TMEM50B: variants seen among roughly 807,000 people sequenced by gnomAD.
TMEM50B encodes transmembrane protein 50B.
In TMEM50B, 14 loss-of-function variants were observed where a neutral mutation model predicts 23.4. The ratio of observed to expected loss-of-function variants is 0.60; its 90% CI spans 0.39 to 0.93. TMEM50B has a LOEUF of 0.93. Among genes scored for constraint, TMEM50B ranks in the 40% least tolerant of loss-of-function variants. The pLI is 0.00. For synonymous variants in TMEM50B, 64 were observed against 62.3 expected, an observed-to-expected ratio of 1.03 and a Z score of -0.13; for missense variants, 159 against 193.0, an observed-to-expected ratio of 0.82 and a Z score of 1.04.
chr21:33,473,543 G>A (rs957416245), intron 1 of TMEM50B, among the ~76,000 whole-genome samples: 2 of 151,574 alleles, frequency 1.3e-5, no homozygotes, highest in African/African-American at 4.8e-5. Flanking sequence ...AAGCATGGTG[G>A]TGTGCACTTG....
chr21:33,436,989 C>T (rs1350535227), intron 8 of TMEM50B: 2 of 1,612,752 alleles, frequency 1.2e-6, no homozygotes, highest in African/African-American at 2.7e-5. Context: ...AGCCCACTGG[C>T]TCCCTGGAAG....
At chr21:33,439,023 C>T (rs987530775) in intron 8 of TMEM50B, among the ~76,000 whole-genome samples, 2 of 152,076 alleles carry the variant, frequency 1.3e-5, no homozygotes, top group Admixed American at 6.6e-5. Flanking sequence ...CCACCGTGTC[C>T]GGCAAAAGTG....
chr21:33,447,340 T>TAGTCCTAGCTACTC (rs11273486), downstream of TMEM50B, among the ~76,000 whole-genome samples: 88,319 of 151,188 alleles, frequency 0.58, 27,803 homozygotes, highest in East Asian at 0.83. Context: ...TGCACACCTA[T>TAGTCCTAGCTACTC]AGTAGACTGA....
At chr21:33,454,090 G>A (rs993752774) in intron 6 of TMEM50B, among the ~76,000 whole-genome samples, 1 of 101,298 alleles carries the variant, frequency 9.9e-6, no homozygotes, top group Non-Finnish European at 1.8e-5. Context: ...GCAACAGAGC[G>A]AGAATCCAGC....
At chr21:33,458,006 A>G (rs1182778986) in intron 5 of TMEM50B, among the ~76,000 whole-genome samples, 3 of 152,214 alleles carry the variant, frequency 2.0e-5, no homozygotes, top group African/African-American at 7.2e-5. Flanking sequence ...TAAGACAAAC[A>G]TATAGCTACA....
At chr21:33,443,239 C>A (rs1444886840) in intron 7 of TMEM50B, among the ~76,000 whole-genome samples, 1 of 152,188 alleles carries the variant, frequency 6.6e-6, no homozygotes, top group African/African-American at 2.4e-5. Context: ...ATCAATCAAA[C>A]TAATGTGTTT....
chr21:33,468,689 A>C, intron 2 of TMEM50B, 98 bp downstream of exon 2: 1 of 893,140 alleles, frequency 1.1e-6, no homozygotes, highest in South Asian at 1.5e-5. Context: ...AGTGAAATAA[A>C]TAGTTCTGGA....
intron 4 of TMEM50B, 62 bp downstream of exon 4, chr21:33,465,279 CT>C: frequency 2.0e-5 from 25 of 1,264,450 alleles, no homozygotes; most frequent in Non-Finnish European, 2.5e-5. Context: ...ACAAGAGAGG[CT>C]TTTTTTCTGG....
At chr21:33,478,888 A>G (rs1033225712) in intron 1 of TMEM50B, 7 of 461,016 alleles carry the variant, frequency 1.5e-5, no homozygotes, top group African/African-American at 1.4e-4. Context: ...CAGTGCAGGT[A>G]GGATGAAGAG....
Position 33,455,749 on chromosome 21 carries a change from G to GA in TMEM50B, c.408dup (p.Gln137SerfsTer8). ...TACCTAAAAAATATAAGTGCATTTTGAAAAAACACAGCTAGTCCCGGATAA... is the reference window on the plus strand; with the variant it reads ...TACCTAAAAAATATAAGTGCATTTTGAAAAAAACACAGCTAGTCCCGGATAA... On this transcript the variant is annotated frameshift_variant, in exon 6 of 7. Transcript: ENST00000542230. LOFTEE classifies it high-confidence loss of function. 6.2e-7 allele frequency: 1 copy of GA among 1,613,712 alleles called. No individual in the cohort carries two copies. The highest frequency in any genetic ancestry group is 8.5e-7 in the Non-Finnish European group (1 of 1,179,832).
chr21:33,453,996 T>C (rs966356630), intron 6 of TMEM50B, among the ~76,000 whole-genome samples: 5 of 146,950 alleles, frequency 3.4e-5, no homozygotes, highest in African/African-American at 1.0e-4. Flanking sequence ...CCCAGCTACT[T>C]GGGAGGCTGA....
In TMEM50B at chr21:33,450,803, A is replaced by T. The variant is rs778008826; in HGVS notation, c.*15T>A. 1 of 1,606,738 alleles carries T rather than the reference A, an allele frequency of 6.2e-7. No homozygotes were observed. The highest frequency in any genetic ancestry group is 8.5e-7 in the Non-Finnish European group (1 of 1,176,158). ...CAGAATATAACAAAAGGAAAATGTGACTTAAGAAGTGATCTCAGGTCCATA... is the reference window on the plus strand; with the variant it reads ...CAGAATATAACAAAAGGAAAATGTGTCTTAAGAAGTGATCTCAGGTCCATA... On this transcript the variant is annotated 3_prime_UTR_variant, in exon 7 of 7. Transcript: ENST00000542230.
chr21:33,460,604 T>C, intron 4 of TMEM50B, 99 bp from the exon 5 acceptor site: 1 of 533,490 alleles, frequency 1.9e-6, no homozygotes. Context: ...TAGTATATAT[T>C]ATGCATATCA....
downstream of TMEM50B, among the ~76,000 whole-genome samples, chr21:33,444,915 G>C (rs1456779443): frequency 6.6e-6 from 1 of 151,430 alleles, no homozygotes. Context: ...CAGATCCTTT[G>C]AGCCCAGGAG....
chr21:33,435,113 G>A (rs1432964159), intron 8 of TMEM50B, among the ~76,000 whole-genome samples: 2 of 152,160 alleles, frequency 1.3e-5, no homozygotes, highest in African/African-American at 4.8e-5. Context: ...GCATTTCCAA[G>A]AGCTAGACAC....
rs202202965 is a variant in TMEM50B at position 33,450,867 on chromosome 21, G to T, written c.432-4C>A. ...TCCAAATTTGTAGATCAGAGTGCTA[G>T]AAAGATAGGAAAACAAATCATGAGG... On this transcript the variant is annotated splice_region_variant and splice_polypyrimidine_tract_variant and intron_variant, in intron 6 of 6. Transcript: ENST00000542230. The T allele has an allele frequency of 3.1e-6, 5 of 1,611,520 alleles. No homozygotes were observed. The highest frequency in any genetic ancestry group is 4.2e-6 in the Non-Finnish European group (5 of 1,178,876).
At chr21:33,442,172 C>T (rs904121494) in intron 7 of TMEM50B, among the ~76,000 whole-genome samples, 3 of 152,116 alleles carry the variant, frequency 2.0e-5, no homozygotes, top group African/African-American at 7.2e-5. Context: ...AGCTGTCCTT[C>T]TGTTTGATGA....
downstream of TMEM50B, among the ~76,000 whole-genome samples, chr21:33,446,677 A>AC (rs2084061687): frequency 6.8e-6 from 1 of 147,620 alleles, no homozygotes; most frequent in African/African-American, 2.5e-5. Flanking sequence ...AAAAAAAAAA[A>AC]ACCTCTAAGA....
At position 33,432,584 on chromosome 21, in the gene TMEM50B, T is replaced by TG. The variant is rs1345049815; in HGVS notation, c.*2338dup. 33 of 1,022,840 alleles carry TG rather than the reference T, an allele frequency of 3.2e-5. 1 individual carries two copies. The highest frequency in any genetic ancestry group is 1.0e-4 in the South Asian group (8 of 78,424). The allele number at this position is 1,022,840 out of a possible 1,614,324, so 63.4% of individuals were successfully genotyped here. On this transcript the variant is annotated 3_prime_UTR_variant and NMD_transcript_variant, in exon 9 of 9. Transcript: ENST00000420455. ...TTAATGTAAGCATACCAGGTGAGGGTGGGGGGTAGAGGGACTTGCCCATTT... is the reference window on the plus strand; with the variant it reads ...TTAATGTAAGCATACCAGGTGAGGGTGGGGGGGTAGAGGGACTTGCCCATTT...
Sources: gnomAD v4.1 joint callset for allele counts (sites outside exome capture counted in the v4.1 genomes callset) on GRCh38, gnomAD v4.1.1 for gene constraint, MANE v1.5 for transcripts, NCBI Gene and HGNC (gene_info 2026-07-23, HGNC 2026-07-21) for gene names.